Variants in ALG6 observed in about 807,000 individuals in gnomAD.
The protein encoded by ALG6 is ALG6 alpha-1,3-glucosyltransferase.
A neutral mutation model predicts 66.6 loss-of-function variants in ALG6; 46 were observed. That is an observed-to-expected ratio of 0.69 (90% CI 0.55 to 0.88). The LOEUF (loss-of-function observed/expected upper bound fraction) is 0.88, where lower values mean the gene tolerates loss of function less well. ALG6 is among the 40% of genes least tolerant of loss of function. The pLI, the probability that ALG6 is intolerant of heterozygous loss-of-function variation, is 0.00. For synonymous variants in ALG6, 185 were observed against 203.7 expected (o/e 0.91, Z 0.78); for missense variants, 505 against 586.8 (o/e 0.86, Z 1.44).
intron 12 of ALG6, chr1:63,428,127 T>C (rs1200038565): frequency 7.9e-5 from 12 of 152,578 alleles, no homozygotes; most frequent in Admixed American, 7.9e-4. Flanking sequence ...AATTCTTTGA[T>C]AAAGCCAGTG....
intron 2 of ALG6, among the ~76,000 whole-genome samples, chr1:63,376,340 G>A (rs1014519497): frequency 5.3e-5 from 8 of 152,156 alleles, no homozygotes; most frequent in African/African-American, 1.7e-4. Flanking sequence ...TATACAGTTC[G>A]TTGTTGACTG....
chr1:63,434,217 T>C (rs1644664641), intron 14 of ALG6, among the ~76,000 whole-genome samples: 1 of 152,112 alleles, frequency 6.6e-6, no homozygotes. Flanking sequence ...TGGACCAGGG[T>C]AGCAGTGGAA....
intron 8 of ALG6, 48 bp from the exon 9 acceptor site, chr1:63,411,878 A>G: frequency 6.2e-7 from 1 of 1,613,496 alleles, no homozygotes. Flanking sequence ...ATTTTGCAGA[A>G]TTACTGACCT....
intron 4 of ALG6, among the ~76,000 whole-genome samples, chr1:63,403,449 T>C (rs973938810): frequency 2.0e-5 from 3 of 152,200 alleles, no homozygotes; most frequent in Non-Finnish European, 4.4e-5. Context: ...AACTTCTGTT[T>C]TGGTAAAGAC....
intron 3 of ALG6, among the ~76,000 whole-genome samples, chr1:63,401,125 A>G (rs2100411640): frequency 6.6e-6 from 1 of 152,222 alleles, no homozygotes; most frequent in Non-Finnish European, 1.5e-5. Context: ...CTGGAGGGAC[A>G]ATGGCCACCA....
chr1:63,407,739 C>T (rs1304947387), intron 7 of ALG6, among the ~76,000 whole-genome samples: 2 of 152,004 alleles, frequency 1.3e-5, no homozygotes, highest in African/African-American at 4.8e-5. Context: ...AAAAAGACGA[C>T]ATTACACAGC....
intron 7 of ALG6, among the ~76,000 whole-genome samples, chr1:63,408,124 C>T (rs1231882973): frequency 6.6e-6 from 1 of 152,130 alleles, no homozygotes; most frequent in African/African-American, 2.4e-5. Flanking sequence ...AGAAATAGAA[C>T]ATTACTAGTA....
intron 2 of ALG6, among the ~76,000 whole-genome samples, chr1:63,373,657 CATTTT>C (rs1648014110): frequency 8.7e-6 from 1 of 114,760 alleles, no homozygotes; most frequent in Non-Finnish European, 1.8e-5. Flanking sequence ...ATTTAATTTA[CATTTT>C]TTTTTTTTTT....
At chr1:63,404,375 C>T in intron 4 of ALG6, 78 bp from the exon 5 acceptor site, 1 of 1,135,740 alleles carries the variant, frequency 8.8e-7, no homozygotes, top group Non-Finnish European at 1.3e-6. Flanking sequence ...AATATTAATA[C>T]ATTCATATAT....
chr1:63,412,105 C>T (rs752735437), intron 9 of ALG6, 44 bp downstream of exon 9: 13 of 1,612,936 alleles, frequency 8.1e-6, no homozygotes, highest in Non-Finnish European at 1.1e-5. Context: ...CTGTACCTTA[C>T]CTGTGACCTT....
intron 2 of ALG6, among the ~76,000 whole-genome samples, chr1:63,389,390 T>C (rs2100397888): frequency 1.3e-5 from 2 of 152,332 alleles, no homozygotes; most frequent in East Asian, 3.9e-4. Flanking sequence ...TTCCACAGTA[T>C]GTCAATTGAA....
chr1:63,382,865 A>T (rs1290221125), intron 2 of ALG6, among the ~76,000 whole-genome samples: 13 of 151,482 alleles, frequency 8.6e-5, no homozygotes, highest in Admixed American at 6.6e-4. Flanking sequence ...TTTATTAGAG[A>T]CAGGGTTTCA....
In ALG6 at chr1:63,428,771, C is replaced by T. The variant is rs1428112706; in HGVS notation, c.1097C>T (p.Ser366Phe). 1 of 1,609,308 alleles carries T rather than the reference C, an allele frequency of 6.2e-7. No homozygotes were observed. The highest frequency in any genetic ancestry group is 1.3e-5 in the African/African-American group (1 of 74,780). The change falls in exon 13 of 15, where the codon TCT becomes TTT. Residue 366 changes from serine (S) to phenylalanine (F), a missense_variant. Coordinates refer to ENST00000263440, the MANE Select transcript of ALG6 (RefSeq NM_013339.4). ...CLVLSEIPFMSTWFLLVSTFS... is the reference protein window; with the variant it reads ...CLVLSEIPFMFTWFLLVSTFS... ...GTTTTAAGTGAAATTCCTTTTATGT[C>T]TACTTGGTTTTTACTTGTGTCAACA...
At chr1:63,383,011 C>T (rs1273350629) in intron 2 of ALG6, among the ~76,000 whole-genome samples, 1 of 151,880 alleles carries the variant, frequency 6.6e-6, no homozygotes, top group Non-Finnish European at 1.5e-5. Flanking sequence ...CGGGGTTTTA[C>T]CATGTTGGCC....
At position 63,370,680 on chromosome 1, in the gene ALG6, C is replaced by A. The variant is rs1392631948; in HGVS notation, c.-207-91C>A. ...CATTCCTTCCCACTACCCCTCCCCT[C>A]GAATTCTCTATCCTTCTACTTGGTT... is the stretch of plus-strand genomic sequence containing the variant. On this transcript the variant is annotated intron_variant, in intron 1 of 14. Transcript: ENST00000263440. 2 of 357,438 alleles carry A rather than the reference C, an allele frequency of 5.6e-6. No individual in the cohort carries two copies. The highest frequency in any genetic ancestry group is 4.4e-5 in the Admixed American group (1 of 22,686). The allele number at this position is 357,438 out of a possible 1,614,324, so 22.1% of individuals were successfully genotyped here.
At position 63,371,032 on chromosome 1, in the gene ALG6, T is replaced by C. The variant is rs749194292; in HGVS notation, c.55T>C (p.Trp19Arg). The change falls in exon 2 of 15, where the codon TGG becomes CGG. Residue 19 changes from tryptophan (W) to arginine (R), a missense_variant. Physicochemically the swap from Trp to Arg is moderately radical, Grantham distance 101 (BLOSUM62 -3). Coordinates refer to ENST00000263440, the MANE Select transcript of ALG6 (RefSeq NM_013339.4). The part of the protein sequence containing the change: ...VVVLIGLTVR[W>R]TVSLNSYSGA... ...GGTTTTAATAGGACTAACAGTACGA[T>C]GGACAGTGTCTCTTAATTCTTATTC... 2 of 1,610,714 alleles carry C rather than the reference T, an allele frequency of 1.2e-6. No individual in the cohort carries two copies. The highest frequency in any genetic ancestry group is 1.7e-6 in the Non-Finnish European group (2 of 1,176,990).
intron 14 of ALG6, among the ~76,000 whole-genome samples, chr1:63,436,251 A>G (rs919711509): frequency 1.3e-5 from 2 of 152,168 alleles, no homozygotes; most frequent in Non-Finnish European, 2.9e-5. Flanking sequence ...TGAAGATCAA[A>G]TCGGGGTAAC....
At chr1:63,408,171 CCCT>C (rs1644499484) in intron 7 of ALG6, among the ~76,000 whole-genome samples, 1 of 152,158 alleles carries the variant, frequency 6.6e-6, no homozygotes, top group South Asian at 2.1e-4. Flanking sequence ...CCATCCTTCT[CCCT>C]CCTCCTTTCC....
chr1:63,400,269 G>GTATATATA lies in ALG6; in HGVS notation c.168-1980_168-1973dup, dbSNP rs370667539. On this transcript the variant is annotated intron_variant, in intron 3 of 14. Coordinates refer to ENST00000263440, the MANE Select transcript of ALG6 (RefSeq NM_013339.4). Reference sequence around the variant, plus strand: ...CGTATATATATGTATATATATATACGTATATATATATACGTATATATATAT... The same window carrying GTATATATA: ...CGTATATATATGTATATATATATACGTATATATATATATATATATACGTATATATATAT... Among the ~76,000 whole-genome samples the GTATATATA allele has an allele frequency of 7.9e-4, 6 of 7,556 alleles. 1 individual carries two copies. Among genetic ancestry groups the GTATATATA allele is most frequent in the Non-Finnish European group, 1.0e-3 (6 of 5,838 alleles). The allele number at this position is 7,556 out of a possible 152,430, so 5.0% of individuals were successfully genotyped here. A position where few individuals can be genotyped will look rare whatever the true frequency, so the allele number is the denominator to read the frequency against.
Sources: allele counts gnomAD v4.1 joint callset (sites outside exome capture counted in the v4.1 genomes callset), GRCh38; gene constraint gnomAD v4.1.1; transcripts MANE v1.5; gene names NCBI Gene and HGNC (gene_info 2026-07-23, HGNC 2026-07-21).